Variants in VPS54 observed in about 807,000 individuals in gnomAD.
VPS54 encodes the protein vacuolar protein sorting-associated protein 54.
In VPS54, 45 loss-of-function variants were observed where a neutral mutation model predicts 121.5. The ratio of observed to expected loss-of-function variants is 0.37; its 90% CI spans 0.29 to 0.47. The LOEUF (loss-of-function observed/expected upper bound fraction) is 0.47, where lower values mean the gene tolerates loss of function less well. VPS54 is among the 20% of genes least tolerant of loss of function. The probability of loss-of-function intolerance (pLI) is 0.99; values close to 1 mark genes in which losing one functional copy is unlikely to be tolerated. For missense variants in VPS54, 1,090 were observed against 1,131.4 expected (o/e 0.96, Z 0.52); for synonymous variants, 371 against 385.8 (o/e 0.96, Z 0.45).
chr2:63,923,556 A>G (rs1360168787), intron 12 of VPS54, among the ~76,000 whole-genome samples: 5 of 152,180 alleles, frequency 3.3e-5, no homozygotes, highest in Non-Finnish European at 7.3e-5. Flanking sequence ...ACAAAATGTG[A>G]TATATACATA....
rs766046886 is a variant in VPS54 at position 63,973,162 on chromosome 2, TTCC to T, written c.379-921_379-919del. 5.3e-5 allele frequency among the ~76,000 whole-genome samples: 8 copies of T among 152,154 alleles called. No individual in the cohort carries two copies. In the South Asian group the frequency reaches 1.7e-3, roughly 32 times the overall value. On this transcript the variant is annotated intron_variant, in intron 3 of 22. Transcript: ENST00000272322. Reference sequence around the variant, plus strand: ...CATTCCCACCAGCAATAAATAAGAGTTCCTGTTGTTCTACATCCTTGTCAACAT... The same window carrying T: ...CATTCCCACCAGCAATAAATAAGAGTTGTTGTTCTACATCCTTGTCAACAT...
intron 1 of VPS54, among the ~76,000 whole-genome samples, chr2:63,995,863 TAAAC>T (rs1175459143): frequency 2.0e-5 from 3 of 152,218 alleles, no homozygotes; most frequent in African/African-American, 4.8e-5. Context: ...CTAAATTAAA[TAAAC>T]AAATTTTTGA....
intron 7 of VPS54, among the ~76,000 whole-genome samples, chr2:63,955,523 A>C (rs952115142): frequency 1.3e-5 from 2 of 152,050 alleles, no homozygotes; most frequent in African/African-American, 4.8e-5. Context: ...ACTTAAATGC[A>C]ATGTTCTATT....
intron 3 of VPS54, among the ~76,000 whole-genome samples, chr2:63,976,525 C>T (rs148152166): frequency 7.9e-5 from 12 of 152,154 alleles, no homozygotes; most frequent in African/African-American, 2.9e-4. Context: ...GGTATAATTT[C>T]CTACTGAAAT....
chr2:63,922,157 G>A (rs1200438434), intron 12 of VPS54, among the ~76,000 whole-genome samples: 4 of 152,184 alleles, frequency 2.6e-5, no homozygotes, highest in Non-Finnish European at 5.9e-5. Context: ...TCAAAGAGGA[G>A]TATTTATAAG....
At chr2:63,931,774 T>A (rs1674215945) in intron 12 of VPS54, among the ~76,000 whole-genome samples, 2 of 152,032 alleles carry the variant, frequency 1.3e-5, no homozygotes, top group African/African-American at 4.8e-5. Flanking sequence ...AGGGCTAATA[T>A]CCAGAATCTA....
intron 1 of VPS54, among the ~76,000 whole-genome samples, chr2:64,000,652 T>C (rs933422252): frequency 1.7e-4 from 26 of 152,238 alleles, no homozygotes; most frequent in Non-Finnish European, 3.2e-4. Context: ...ACCACCTTGG[T>C]AGTCTTGAAT....
At chr2:63,988,255 T>G (rs753923085) in intron 1 of VPS54, among the ~76,000 whole-genome samples, 1 of 152,234 alleles carries the variant, frequency 6.6e-6, no homozygotes, top group Non-Finnish European at 1.5e-5. Flanking sequence ...ACATGCTTTT[T>G]AAGAATCAAT....
chr2:63,995,027 C>T (rs1014413493), intron 1 of VPS54, among the ~76,000 whole-genome samples: 3 of 152,192 alleles, frequency 2.0e-5, no homozygotes, highest in African/African-American at 7.2e-5. Context: ...GCATTACCCC[C>T]ATCTGAGGCC....
intron 4 of VPS54, among the ~76,000 whole-genome samples, chr2:63,969,643 T>G (rs115272455): frequency 0.01 from 1,592 of 152,294 alleles, 25 homozygotes; most frequent in African/African-American, 0.037. Context: ...TATTTTACAA[T>G]GTAATAACAG....
rs1672293534 is a variant in VPS54 at position 63,893,129 on chromosome 2, GTGTTACAGCTA to G, written c.*290_*300del. 2 of 434,102 alleles carry G rather than the reference GTGTTACAGCTA, an allele frequency of 4.6e-6. No individual in the cohort carries two copies. The allele number at this position is 434,102 out of a possible 1,614,324, so 26.9% of individuals were successfully genotyped here. ...CAGAGCATTCTAGTCAACTACAGCT[GTGTTACAGCTA>G]TGTGTTCTTTTGGATTTGGTCCAAA... On this transcript the variant is annotated 3_prime_UTR_variant, in exon 23 of 23. Coordinates refer to ENST00000272322, the MANE Select transcript of VPS54 (RefSeq NM_016516.3).
Position 63,976,777 on chromosome 2 carries a change from T to C in VPS54, c.379-4533A>G, listed in dbSNP as rs142816710. ...ATCCTTTTAATGTCTGCAGGATCAG[T>C]AGAAACAGCCCCTCTTTCATTTTTG... On this transcript the variant is annotated intron_variant, in intron 3 of 22. Coordinates refer to ENST00000272322, the MANE Select transcript of VPS54 (RefSeq NM_016516.3). 4.0e-3 allele frequency among the ~76,000 whole-genome samples: 614 copies of C among 151,694 alleles called. 5 individuals carry two copies. The highest frequency in any genetic ancestry group is 0.014 in the African/African-American group (564 of 41,310).
At chr2:63,913,998 G>A in intron 17 of VPS54, 184 bp downstream of exon 17, 1 of 1,197,914 alleles carries the variant, frequency 8.3e-7, no homozygotes, top group East Asian at 2.7e-5. Flanking sequence ...ACTAACTGTG[G>A]AGTAAGAAGG....
intron 16 of VPS54, among the ~76,000 whole-genome samples, chr2:63,916,451 T>C (rs983870629): frequency 2.6e-5 from 4 of 152,168 alleles, no homozygotes; most frequent in African/African-American, 9.6e-5. Flanking sequence ...TGCTAAATGC[T>C]TTACATGAAT....
At position 63,895,101 on chromosome 2, in the gene VPS54, T is replaced by C. The variant is rs1418774420; in HGVS notation, c.2829-1566A>G. On this transcript the variant is annotated intron_variant, in intron 22 of 22. Transcript: ENST00000272322. ...CTGGGTAGTAGAAATATAAATAATT[T>C]ATTATTCTCTGTATGTGTCTATTTT... Among the ~76,000 whole-genome samples the C allele has an allele frequency of 2.6e-5, 4 of 151,596 alleles. No homozygotes were observed. The South Asian group carries it at 8.3e-4, about 32-fold the overall frequency.
At chr2:63,923,923 G>A (rs1173495304) in intron 12 of VPS54, among the ~76,000 whole-genome samples, 1 of 152,210 alleles carries the variant, frequency 6.6e-6, no homozygotes. Flanking sequence ...CAGAGCCGTT[G>A]TATGAAAGAA....
At chr2:63,953,154 CAG>C (rs1472447191) in intron 7 of VPS54, among the ~76,000 whole-genome samples, 307 of 119,450 alleles carry the variant, frequency 2.6e-3, no homozygotes, top group African/African-American at 8.3e-3. Context: ...TTTTTTTAGA[CAG>C]AGTCTCCCTC....
At chr2:63,951,035 A>G (rs1164044861) in intron 7 of VPS54, among the ~76,000 whole-genome samples, 2 of 151,980 alleles carry the variant, frequency 1.3e-5, no homozygotes, top group African/African-American at 4.8e-5. Flanking sequence ...TTACCACTTG[A>G]TATCTTAGCT....
chr2:63,897,324 TTAGA>T (rs1337773052), intron 22 of VPS54, among the ~76,000 whole-genome samples, 168 bp downstream of exon 22: 3 of 151,858 alleles, frequency 2.0e-5, no homozygotes, highest in East Asian at 2.0e-4. Flanking sequence ...TTTTAGATAG[TTAGA>T]TAGAAACAGA....
Sources: gnomAD v4.1 joint callset for allele counts (sites outside exome capture counted in the v4.1 genomes callset) on GRCh38, gnomAD v4.1.1 for gene constraint, MANE v1.5 for transcripts, NCBI Gene and HGNC (gene_info 2026-07-23, HGNC 2026-07-21) for gene names.